The following CPD variants were observed in gnomAD, a reference collection of about 807,000 sequenced individuals.
CPD encodes the protein metallocarboxypeptidase D.
In CPD, 69 loss-of-function variants were observed where a neutral mutation model predicts 138.3. The ratio of observed to expected loss-of-function variants is 0.50; its 90% CI spans 0.41 to 0.61. CPD has a LOEUF of 0.61. Ranked by LOEUF, CPD falls within the 20% of genes least tolerant of loss-of-function variation. CPD has a pLI of 0.00. For synonymous variants in CPD, 651 were observed against 642.1 expected (o/e 1.01, Z -0.21); for missense variants, 1,432 against 1,733.3 (o/e 0.83, Z 3.09).
chr17:30,439,440 G>A (rs1162668976), intron 9 of CPD, among the ~76,000 whole-genome samples: 1 of 135,650 alleles, frequency 7.4e-6, no homozygotes, highest in Non-Finnish European at 1.6e-5. Flanking sequence ...TAGGTTTTAG[G>A]GTACATGTGC....
Position 30,422,833 on chromosome 17 carries a change from A to T in CPD, c.1467A>T (p.Thr489=). 6.2e-7 allele frequency: 1 copy of T among 1,614,116 alleles called. No individual in the cohort carries two copies. Among genetic ancestry groups the T allele is most frequent in the East Asian group, 2.2e-5 (1 of 44,876 alleles). ...CTATACCTAATATTCTTTCTGGAAC[A>T]TCATCCTCCTACCAGCCAATTCAGC... is the stretch of plus-strand genomic sequence containing the variant. ...TVAIPNILSG[T]SSSYQPIQPK... The change falls in exon 5 of 21, where the codon ACA becomes ACT. Residue 489 remains threonine (T), a synonymous_variant. Coordinates refer to ENST00000225719, the MANE Select transcript of CPD (RefSeq NM_001304.5).
intron 14 of CPD, 102 bp from the exon 15 acceptor site, chr17:30,455,237 T>C: frequency 1.0e-6 from 1 of 972,414 alleles, no homozygotes; most frequent in South Asian, 1.7e-5. Flanking sequence ...TACAAATTTT[T>C]AAGTTAGCAT....
rs1272065422 is a variant in CPD, at chr17:30,422,684, T to C, written c.1318T>C (p.Leu440=). 3.7e-6 allele frequency: 6 copies of C among 1,607,970 alleles called. No homozygotes were observed. The highest frequency in any genetic ancestry group is 5.1e-6 in the Non-Finnish European group (6 of 1,177,116). ...LTVVLTGYMP[L]TVTNVVVKEG... is the part of the protein sequence containing the mutation. ...AAATTTTTTTTTCAGGTATATGCCA[T>C]TGACTGTTACTAATGTAGTGGTGAA... is the stretch of plus-strand genomic sequence containing the variant. The change falls in exon 5 of 21, where the codon TTG becomes CTG. Residue 440 remains leucine, a synonymous_variant. Coordinates refer to ENST00000225719, the MANE Select transcript of CPD (RefSeq NM_001304.5).
chr17:30,389,052 C>T (rs908543446), intron 2 of CPD, among the ~76,000 whole-genome samples: 17 of 152,232 alleles, frequency 1.1e-4, no homozygotes, highest in Non-Finnish European at 1.8e-4. Context: ...AGCACAGCCC[C>T]AGCTCCGCAT....
intron 2 of CPD, among the ~76,000 whole-genome samples, chr17:30,388,765 C>T (rs1044609596): frequency 2.6e-5 from 4 of 152,116 alleles, no homozygotes; most frequent in Non-Finnish European, 4.4e-5. Context: ...GGGCCAGTGT[C>T]TGGGCCAGGG....
intron 14 of CPD, among the ~76,000 whole-genome samples, chr17:30,453,148 G>C (rs1353923581): frequency 1.3e-5 from 2 of 152,058 alleles, no homozygotes; most frequent in African/African-American, 4.8e-5. Context: ...AACCAATCAT[G>C]CCTTCCCAAC....
intron 4 of CPD, 70 bp from the exon 5 acceptor site, chr17:30,422,604 T>C: frequency 1.0e-6 from 1 of 998,060 alleles, no homozygotes; most frequent in East Asian, 2.5e-5. Flanking sequence ...AAGGCTACTG[T>C]GCTTTTATAA....
chr17:30,422,852 A>G lies in CPD; in HGVS notation c.1486A>G (p.Ile496Val), dbSNP rs763383514. Residue 496 changes from isoleucine (I) to valine (V), a missense_variant, in exon 5 of 21, where the codon ATT (isoleucine) becomes GTT (valine). Physicochemically the swap from Ile to Val is conservative, Grantham distance 29. Around this residue, in one of 6 missense-constraint regions of CPD, gnomAD observed 160 missense variants for 197.9 expected, o/e 0.81. Transcript: ENST00000225719. ...TGGAACATCATCCTCCTACCAGCCA[A>G]TTCAGCCAAAGGACTTTCACCACCA... ...LSGTSSSYQP[I>V]QPKDFHHHHF... 11 of 1,614,110 alleles carry G rather than the reference A, an allele frequency of 6.8e-6. No homozygotes were observed. The highest frequency in any genetic ancestry group is 1.7e-5 in the Admixed American group (1 of 60,026).
chr17:30,444,493 C>T (rs902606478), intron 11 of CPD, among the ~76,000 whole-genome samples: 1 of 149,514 alleles, frequency 6.7e-6, no homozygotes, highest in Non-Finnish European at 1.5e-5. Flanking sequence ...CAAAGCAATG[C>T]AGTCTATTTA....
intron 1 of CPD, chr17:30,380,439 G>A: frequency 1.6e-6 from 2 of 1,231,064 alleles, no homozygotes; most frequent in Non-Finnish European, 1.0e-6. Flanking sequence ...ACAGATCTGT[G>A]AGCCGCTTCA....
chr17:30,433,423 T>C (rs1912616836), intron 8 of CPD, among the ~76,000 whole-genome samples: 1 of 152,196 alleles, frequency 6.6e-6, no homozygotes, highest in Non-Finnish European at 1.5e-5. Flanking sequence ...ATTAACCCTT[T>C]TGATTTGATT....
At chr17:30,431,412 C>A (rs1264825505) in intron 7 of CPD, among the ~76,000 whole-genome samples, 1 of 152,124 alleles carries the variant, frequency 6.6e-6, no homozygotes, top group Non-Finnish European at 1.5e-5. Flanking sequence ...GTTGTCTTTT[C>A]TCTTTCTTAT....
intron 2 of CPD, among the ~76,000 whole-genome samples, chr17:30,417,044 G>C (rs1912126917): frequency 6.6e-6 from 1 of 151,698 alleles, no homozygotes. Flanking sequence ...GGAGGTTGCA[G>C]TGAGCCGAGA....
chr17:30,436,157 A>T lies in CPD; in HGVS notation c.2128-2818A>T, dbSNP rs540705096. ...ATAACATCCAGGAAGTAAAAAGACA[A>T]CCCACAGAAGCTGGGCTTGGTGACA... On this transcript the variant is annotated intron_variant, in intron 8 of 20. Coordinates refer to ENST00000225719, the MANE Select transcript of CPD (RefSeq NM_001304.5). Among the ~76,000 whole-genome samples, 10 of 152,232 alleles carry T rather than the reference A, an allele frequency of 6.6e-5. No individual in the cohort carries two copies. The East Asian group carries it at 1.9e-3, about 29-fold the overall frequency.
At chr17:30,437,453 G>A (rs1036143774) in intron 8 of CPD, among the ~76,000 whole-genome samples, 3 of 152,102 alleles carry the variant, frequency 2.0e-5, no homozygotes, top group Non-Finnish European at 2.9e-5. Context: ...GGGAGGCCGA[G>A]GTGGGCAGAT....
At position 30,388,750 on chromosome 17, in the gene CPD, G is replaced by T. The variant is rs1380584501; in HGVS notation, c.994+3514G>T. Among the ~76,000 whole-genome samples, 3 of 152,266 alleles carry T rather than the reference G, an allele frequency of 2.0e-5. No homozygotes were observed. The East Asian group carries it at 5.8e-4, about 30-fold the overall frequency. On this transcript the variant is annotated intron_variant, in intron 2 of 20. Coordinates refer to ENST00000225719, the MANE Select transcript of CPD (RefSeq NM_001304.5). ...GGCGGGTGGCTCCTAATCCTCGCTG[G>T]GCCTGGGCCAGTGTCTGGGCCAGGG...
At chr17:30,435,903 T>G (rs1293309861) in intron 8 of CPD, among the ~76,000 whole-genome samples, 1 of 152,152 alleles carries the variant, frequency 6.6e-6, no homozygotes, top group Non-Finnish European at 1.5e-5. Context: ...CACTTCTAGG[T>G]GCATCACTCC....
Position 30,461,921 on chromosome 17 carries a change from G to C in CPD, c.3675G>C (p.Lys1225Asn), listed in dbSNP as rs771827800. The change falls in exon 19 of 21, where the codon AAG (lysine) becomes AAC (asparagine). Residue 1225 changes from lysine (K) to asparagine (N), a missense_variant. Lys to Asn is a moderately conservative substitution (Grantham distance 94). Coordinates refer to ENST00000225719, the MANE Select transcript of CPD (RefSeq NM_001304.5). ...GATTTGTTAAAGATAAGACTGGAAA[G>C]CCAATCTCTAAAGCAGTCATTGTAC... ...VHGFVKDKTG[K>N]PISKAVIVLN... The C allele has an allele frequency of 7.5e-6, 12 of 1,608,236 alleles. No individual in the cohort carries two copies. Among genetic ancestry groups the C allele is most frequent in the Non-Finnish European group, 9.3e-6 (11 of 1,178,172 alleles).
intron 2 of CPD, among the ~76,000 whole-genome samples, chr17:30,400,652 CTTTTTT>C (rs34301387): frequency 3.5e-5 from 2 of 57,588 alleles, no homozygotes; most frequent in Admixed American, 2.7e-4. Context: ...TGCCATCATT[CTTTTTT>C]TTTTTTTTTT....
Sources: gnomAD v4.1 joint callset for allele counts (sites outside exome capture counted in the v4.1 genomes callset) on GRCh38, gnomAD v4.1.1 for gene constraint, gnomAD v4.1.1 regional missense constraint, MANE v1.5 for transcripts, NCBI Gene and HGNC (gene_info 2026-07-23, HGNC 2026-07-21) for gene names.